WDR27: variants seen among roughly 807,000 people sequenced by gnomAD.
The protein encoded by WDR27 is WD repeat-containing protein 27.
A neutral mutation model predicts 114.4 loss-of-function variants in WDR27; 100 were observed. The ratio of observed to expected loss-of-function variants is 0.87; its 90% confidence interval spans 0.74 to 1.03. WDR27 has a LOEUF of 1.03. Ranked by LOEUF, WDR27 falls within the 50% of genes least tolerant of loss-of-function variation. WDR27 has a pLI of 0.00. For missense variants in WDR27, 1,129 were observed against 1,092.9 expected (o/e 1.03, Z -0.47); for synonymous variants, 449 against 423.1 (o/e 1.06, Z -0.75).
intron 7 of WDR27, chr6:169,664,596 C>A (rs1827259534): frequency 2.5e-6 from 3 of 1,202,574 alleles, no homozygotes; most frequent in Non-Finnish European, 3.1e-6. Flanking sequence ...CTGCACACAC[C>A]CCACAGCTTC....
At chr6:169,675,422 A>G (rs1779840669) in intron 2 of WDR27, among the ~76,000 whole-genome samples, 1 of 152,140 alleles carries the variant, frequency 6.6e-6, no homozygotes, top group South Asian at 2.1e-4. Flanking sequence ...TGTGTCGACA[A>G]AAGAGTCGAA....
At chr6:169,566,561 G>C (rs536017162) in intron 25 of WDR27, among the ~76,000 whole-genome samples, 1 of 152,358 alleles carries the variant, frequency 6.6e-6, no homozygotes, top group African/African-American at 2.4e-5. Flanking sequence ...GGTTCTCACT[G>C]TTCTGTCATT....
At chr6:169,694,657 G>A (rs1585218428) in intron 1 of WDR27, among the ~76,000 whole-genome samples, 1 of 152,334 alleles carries the variant, frequency 6.6e-6, no homozygotes, top group East Asian at 1.9e-4. Context: ...AGTTTAATAT[G>A]TAATTAAACA....
intron 23 of WDR27, among the ~76,000 whole-genome samples, chr6:169,584,461 T>C (rs570502503): frequency 6.6e-6 from 1 of 152,358 alleles, no homozygotes; most frequent in East Asian, 1.9e-4. Context: ...GGTCATACTA[T>C]AGTTCTACTG....
intron 25 of WDR27, among the ~76,000 whole-genome samples, chr6:169,460,738 G>A (rs577793952): frequency 5.7e-4 from 86 of 152,092 alleles, no homozygotes; most frequent in Non-Finnish European, 1.2e-3. Context: ...AATAAAATTT[G>A]CACATACTCA....
chr6:169,630,021 C>T (rs1240542523), intron 21 of WDR27, among the ~76,000 whole-genome samples: 1 of 151,016 alleles, frequency 6.6e-6, no homozygotes, highest in Non-Finnish European at 1.5e-5. Context: ...TTTTTAAACT[C>T]AAGAATGACA....
At chr6:169,593,560 T>C (rs1341097564) in intron 23 of WDR27, among the ~76,000 whole-genome samples, 1 of 152,180 alleles carries the variant, frequency 6.6e-6, no homozygotes, top group Non-Finnish European at 1.5e-5. Flanking sequence ...AAAAAGCTAG[T>C]GTTTTGGCCA....
At chr6:169,500,668 G>T (rs962506155) in intron 25 of WDR27, among the ~76,000 whole-genome samples, 1 of 152,152 alleles carries the variant, frequency 6.6e-6, no homozygotes, top group African/African-American at 2.4e-5. Context: ...CCCAGTGCTA[G>T]GGATCTCTCC....
chr6:169,528,063 A>G (rs1393881411), intron 25 of WDR27, among the ~76,000 whole-genome samples: 2 of 152,210 alleles, frequency 1.3e-5, no homozygotes, highest in Non-Finnish European at 1.5e-5. Context: ...ACACAATACC[A>G]TACATGCAAA....
At chr6:169,556,094 G>A (rs990300863) in intron 25 of WDR27, among the ~76,000 whole-genome samples, 1 of 152,144 alleles carries the variant, frequency 6.6e-6, no homozygotes, top group African/African-American at 2.4e-5. Context: ...GCACACAGTT[G>A]CATCCTGCTG....
chr6:169,610,011 A>G (rs1191440509), intron 22 of WDR27, among the ~76,000 whole-genome samples: 16 of 152,190 alleles, frequency 1.1e-4, no homozygotes, highest in African/African-American at 1.7e-4. Flanking sequence ...AAAACATAAC[A>G]AAAGTCACCT....
chr6:169,691,292 CAAAAT>C, intron 1 of WDR27, among the ~76,000 whole-genome samples: 1 of 152,044 alleles, frequency 6.6e-6, no homozygotes, highest in South Asian at 2.1e-4. Context: ...TGGAGAAAAA[CAAAAT>C]AAAAGCATGT....
downstream of WDR27, chr6:169,457,108 A>C (rs1535474): frequency 0.33 from 52,709 of 160,362 alleles, 10,048 homozygotes; most frequent in African/African-American, 0.55. Context: ...AAGAGGCCAC[A>C]CTCACCATGC....
chr6:169,476,462 T>C (rs1787183468), intron 25 of WDR27, among the ~76,000 whole-genome samples: 1 of 152,224 alleles, frequency 6.6e-6, no homozygotes, highest in African/African-American at 2.4e-5. Flanking sequence ...CCTGTTTCTT[T>C]GTTTGATCAC....
chr6:169,669,352 G>A (rs1392375253), intron 4 of WDR27, among the ~76,000 whole-genome samples: 1 of 152,166 alleles, frequency 6.6e-6, no homozygotes, highest in Non-Finnish European at 1.5e-5. Flanking sequence ...AGCGTGGGGA[G>A]GATCTCACGG....
chr6:169,697,366 C>A (rs1363261150), intron 1 of WDR27, among the ~76,000 whole-genome samples: 1 of 152,116 alleles, frequency 6.6e-6, no homozygotes, highest in African/African-American at 2.4e-5. Context: ...CCAGGTGGAC[C>A]GAGGTCTAGC....
At chr6:169,561,208 C>A (rs1283515422) in intron 25 of WDR27, among the ~76,000 whole-genome samples, 4 of 152,068 alleles carry the variant, frequency 2.6e-5, no homozygotes, top group Admixed American at 1.3e-4. Flanking sequence ...CTTCTCACTG[C>A]CCCTCACATG....
chr6:169,634,825 C>G (rs1817282310), intron 19 of WDR27, among the ~76,000 whole-genome samples: 1 of 152,108 alleles, frequency 6.6e-6, no homozygotes, highest in African/African-American at 2.4e-5. Flanking sequence ...AGGGTATTTC[C>G]ATGTATGCTT....
downstream of WDR27, among the ~76,000 whole-genome samples, chr6:169,455,626 G>A (rs988365072): frequency 6.6e-6 from 1 of 152,216 alleles, no homozygotes; most frequent in Non-Finnish European, 1.5e-5. Flanking sequence ...AACCAGGCAG[G>A]GAAGCCTCTT....
Sources: gnomAD v4.1 joint callset for allele counts (sites outside exome capture counted in the v4.1 genomes callset) on GRCh38, gnomAD v4.1.1 for gene constraint, MANE v1.5 for transcripts, NCBI Gene and HGNC (gene_info 2026-07-23, HGNC 2026-07-21) for gene names.